ACP3: variants seen among roughly 807,000 people sequenced by gnomAD.
ACP3 encodes acid phosphatase 3, also known as prostatic acid phosphatase.
A neutral mutation model predicts 45.6 loss-of-function variants in ACP3; 38 were observed. The observed-to-expected ratio is 0.83, with a 90% CI of 0.64 to 1.09. The LOEUF is 1.09. Ranked by LOEUF, ACP3 falls within the 50% of genes least tolerant of loss-of-function variation. The probability of loss-of-function intolerance (pLI) is 0.00; values close to 1 mark genes in which losing one functional copy is unlikely to be tolerated. For missense variants in ACP3, 466 were observed against 463.2 expected, an observed-to-expected ratio of 1.01 and a Z score of -0.05; for synonymous variants, 162 against 164.7, an observed-to-expected ratio of 0.98 and a Z score of 0.13.
chr3:132,367,706 C>T (rs780642023), exon 11 of ACP3: 1 of 1,603,224 alleles, frequency 6.2e-7, no homozygotes, highest in Admixed American at 1.7e-5. Context: ...TCCCACAGTT[C>T]TAAAGGTCAT....
intron 1 of ACP3, among the ~76,000 whole-genome samples, chr3:132,322,275 C>T (rs1467938407): frequency 6.6e-6 from 1 of 152,200 alleles, no homozygotes; most frequent in African/African-American, 2.4e-5. Context: ...TCTTATTAGA[C>T]TTGTCCTGAT....
chr3:132,339,828 C>G (rs1032452903), intron 5 of ACP3, among the ~76,000 whole-genome samples: 1 of 152,042 alleles, frequency 6.6e-6, no homozygotes, highest in African/African-American at 2.4e-5. Flanking sequence ...TTAACTCCCT[C>G]CCCTCCCCAG....
intron 10 of ACP3, among the ~76,000 whole-genome samples, chr3:132,366,307 A>C (rs576362352): frequency 2.6e-4 from 39 of 152,120 alleles, no homozygotes; most frequent in African/African-American, 9.4e-4. Context: ...CTCAAAAAAA[A>C]AAAAAAAATT....
At chr3:132,322,614 C>T (rs1021927444) in intron 1 of ACP3, among the ~76,000 whole-genome samples, 4 of 152,312 alleles carry the variant, frequency 2.6e-5, no homozygotes, top group African/African-American at 9.6e-5. Flanking sequence ...TATGATGTGT[C>T]TCCAATTCCA....
intron 1 of ACP3, among the ~76,000 whole-genome samples, chr3:132,327,123 C>A (rs911401509): frequency 2.0e-5 from 3 of 152,214 alleles, no homozygotes; most frequent in African/African-American, 7.2e-5. Context: ...AACCTCCCCA[C>A]CTGCAATCTT....
intron 2 of ACP3, 97 bp downstream of exon 2, chr3:132,328,459 AAC>A: frequency 2.1e-6 from 2 of 969,040 alleles, no homozygotes; most frequent in South Asian, 1.4e-5. Flanking sequence ...CAGGCGGATC[AAC>A]TGAGGTCAGG....
At chr3:132,347,978 C>T (rs1937635369) in intron 7 of ACP3, among the ~76,000 whole-genome samples, 1 of 152,054 alleles carries the variant, frequency 6.6e-6, no homozygotes, top group Admixed American at 6.6e-5. Flanking sequence ...TGCCTGTATG[C>T]CTAATCCAGC....
At position 132,332,055 on chromosome 3, in the gene ACP3, A is replaced by G. The variant is rs138905338; in HGVS notation, c.304-137A>G. The G allele has an allele frequency of 2.9e-6, 3 of 1,031,772 alleles. No homozygotes were observed. In the African/African-American group the frequency reaches 4.8e-5, roughly 17 times the overall value. 63.9% of individuals were successfully genotyped at this position (1,031,772 alleles called of 1,614,324 possible). A position where few individuals can be genotyped will look rare whatever the true frequency, so the allele number is the denominator to read the frequency against. On this transcript the variant is annotated intron_variant, in intron 3 of 9. Coordinates refer to ENST00000336375, the MANE Select transcript of ACP3 (RefSeq NM_001099.5). ...TATTGCTCATTCCTTAACAAGTATT[A>G]TGATTCTGATGTTAGCACAATGTCT...
At chr3:132,365,273 T>C (rs112528681) in intron 10 of ACP3, among the ~76,000 whole-genome samples, 3,030 of 152,256 alleles carry the variant, frequency 0.02, 41 homozygotes, top group Non-Finnish European at 0.032. Flanking sequence ...AATAAGTGTT[T>C]TGGAAGATGA....
chr3:132,345,669 G>A (rs1937601137), intron 7 of ACP3, among the ~76,000 whole-genome samples: 1 of 152,250 alleles, frequency 6.6e-6, no homozygotes, highest in Non-Finnish European at 1.5e-5. Context: ...ATTGAAAGCT[G>A]TTGAGATTTA....
At chr3:132,320,444 A>C (rs555168903) in intron 1 of ACP3, among the ~76,000 whole-genome samples, 1 of 152,242 alleles carries the variant, frequency 6.6e-6, no homozygotes, top group East Asian at 1.9e-4. Flanking sequence ...CATATCATCC[A>C]GAAATAGAAA....
Position 132,352,796 on chromosome 3 carries a change from A to T in ACP3, c.941A>T (p.His314Leu). The stretch of plus-strand genomic sequence containing the variant: ...CTCCTTCCTCCCTATGCTTCTTGCC[A>T]CTTGACGGAATTGTACTTTGAGAAG... Reference protein sequence around the residue: ...NGLLPPYASCHLTELYFEKGE... With the variant: ...NGLLPPYASCLLTELYFEKGE... Residue 314 changes from histidine (H) to leucine (L), a missense_variant, in exon 9 of 10, where the codon CAC becomes CTC. By Grantham distance (99) the His-to-Leu change is moderately conservative (BLOSUM62 -3). Coordinates refer to ENST00000336375, the MANE Select transcript of ACP3 (RefSeq NM_001099.5). 1.2e-6 allele frequency: 2 copies of T among 1,613,076 alleles called. No individual in the cohort carries two copies. The highest frequency in any genetic ancestry group is 2.2e-5 in the East Asian group (1 of 44,862).
At chr3:132,340,294 A>G (rs1205667832) in intron 5 of ACP3, among the ~76,000 whole-genome samples, 1 of 151,160 alleles carries the variant, frequency 6.6e-6, no homozygotes, top group Non-Finnish European at 1.5e-5. Flanking sequence ...CAGCCTGGGC[A>G]ACAAGAACGA....
At position 132,358,180 on chromosome 3, in the gene ACP3, T is replaced by C; in HGVS notation, c.*1302T>C. On this transcript the variant is annotated 3_prime_UTR_variant, in exon 10 of 10. Coordinates refer to ENST00000336375, the MANE Select transcript of ACP3 (RefSeq NM_001099.5). ...TGAGGCAGGAGGATCACTTTAGGCC[T>C]GGTGTGTTCAAGACCAGCCTGGTCA... The C allele has an allele frequency of 2.2e-6, 2 of 907,402 alleles. No homozygotes were observed. The highest frequency in any genetic ancestry group is 2.7e-6 in the Non-Finnish European group (2 of 744,864). The allele number at this position is 907,402 out of a possible 1,614,324, so 56.2% of individuals were successfully genotyped here.
chr3:132,347,844 T>TACACACAC (rs112045628), intron 7 of ACP3, among the ~76,000 whole-genome samples: 2,576 of 144,990 alleles, frequency 0.018, 36 homozygotes, highest in South Asian at 0.055. Flanking sequence ...CACACACACA[T>TACACACAC]ACACACACAC....
intron 6 of ACP3, 28 bp from the exon 7 acceptor site, chr3:132,344,899 C>T (rs762872737): frequency 1.9e-6 from 3 of 1,610,316 alleles, no homozygotes; most frequent in African/African-American, 1.3e-5. Flanking sequence ...AATACACATA[C>T]ATTTTTCTTC....
intron 9 of ACP3, among the ~76,000 whole-genome samples, chr3:132,354,455 G>A (rs541903032): frequency 1.3e-5 from 2 of 152,114 alleles, no homozygotes; most frequent in Non-Finnish European, 2.9e-5. Context: ...CAAGGGCCAC[G>A]TAAAGGTCAA....
chr3:132,341,355 T>A (rs888011657), intron 5 of ACP3, among the ~76,000 whole-genome samples: 11 of 152,224 alleles, frequency 7.2e-5, no homozygotes, highest in Non-Finnish European at 1.3e-4. Flanking sequence ...TTTAATCTCC[T>A]GAATGATTGT....
At chr3:132,343,930 T>C (rs1158917934) in intron 6 of ACP3, among the ~76,000 whole-genome samples, 1 of 152,038 alleles carries the variant, frequency 6.6e-6, no homozygotes, top group Non-Finnish European at 1.5e-5. Flanking sequence ...GGCTAGAAGT[T>C]CAGGATGAGC....
Sources: allele counts gnomAD v4.1 joint callset (sites outside exome capture counted in the v4.1 genomes callset), GRCh38; gene constraint gnomAD v4.1.1; transcripts MANE v1.5; gene names NCBI Gene and HGNC (gene_info 2026-07-23, HGNC 2026-07-21).